The following NRG3 variants were observed in gnomAD, a reference collection of about 807,000 sequenced individuals.
NRG3 encodes the protein pro-neuregulin-3, membrane-bound isoform.
Under a neutral mutation model 66.9 loss-of-function variants are expected in NRG3, and 31 were observed. That is an observed-to-expected ratio of 0.46 (90% CI 0.35 to 0.63). NRG3 has a LOEUF of 0.63. Among genes scored for constraint, NRG3 ranks in the 20% least tolerant of loss-of-function variants. The pLI is 0.00. For missense variants in NRG3, 910 were observed against 878.9 expected (o/e 1.04, Z -0.45); for synonymous variants, 393 against 359.4 (o/e 1.09, Z -1.06).
At chr10:82,356,486 TAGAG>T (rs1353861293) in intron 1 of NRG3, among the ~76,000 whole-genome samples, 7 of 152,206 alleles carry the variant, frequency 4.6e-5, no homozygotes, top group African/African-American at 1.4e-4. Context: ...ATATTTCCCA[TAGAG>T]AGATTGATTC....
At chr10:82,561,849 G>A (rs948685794) in intron 2 of NRG3, among the ~76,000 whole-genome samples, 3 of 152,174 alleles carry the variant, frequency 2.0e-5, no homozygotes, top group Admixed American at 6.5e-5. Flanking sequence ...ATAGAGGTGA[G>A]GAGATGTCAG....
chr10:82,087,432 G>C (rs981717139), intron 1 of NRG3, among the ~76,000 whole-genome samples: 4 of 151,994 alleles, frequency 2.6e-5, no homozygotes, highest in South Asian at 4.1e-4. Flanking sequence ...GATGAACACA[G>C]TAAATACTAA....
chr10:82,032,502 T>C (rs997924379), intron 1 of NRG3, among the ~76,000 whole-genome samples: 1 of 152,020 alleles, frequency 6.6e-6, no homozygotes, highest in Non-Finnish European at 1.5e-5. Flanking sequence ...TCATTCTTCC[T>C]AAGAGTAGAA....
At chr10:82,029,838 AT>A (rs1210713430) in intron 1 of NRG3, among the ~76,000 whole-genome samples, 1 of 152,046 alleles carries the variant, frequency 6.6e-6, no homozygotes, top group Non-Finnish European at 1.5e-5. Context: ...AGTTTGGGAC[AT>A]TTTGGCATTT....
At chr10:82,709,794 T>TA (rs1414954456) in intron 2 of NRG3, among the ~76,000 whole-genome samples, 1 of 152,224 alleles carries the variant, frequency 6.6e-6, no homozygotes, top group Non-Finnish European at 1.5e-5. Context: ...AGGTCCTAAA[T>TA]AAAGTCCAAG....
intron 1 of NRG3, among the ~76,000 whole-genome samples, chr10:82,339,265 A>T (rs1485798492): frequency 6.6e-6 from 1 of 152,200 alleles, no homozygotes; most frequent in Non-Finnish European, 1.5e-5. Context: ...TAACTGTATT[A>T]GTCTGTTCTC....
rs538235642 is a variant in NRG3, at chr10:82,873,470, T to G, written c.1054+8033T>G. ...CTTCATAAGCCTAAATATTCATGAGTGATGTGAGAAACAACCAATCATTTA... is the reference window on the plus strand; with the variant it reads ...CTTCATAAGCCTAAATATTCATGAGGGATGTGAGAAACAACCAATCATTTA... On this transcript the variant is annotated intron_variant, in intron 4 of 8. Transcript: ENST00000372141. 2.6e-5 allele frequency among the ~76,000 whole-genome samples: 4 copies of G among 152,246 alleles called. No homozygotes were observed. The East Asian group carries it at 7.7e-4, about 29-fold the overall frequency.
intron 4 of NRG3, among the ~76,000 whole-genome samples, chr10:82,946,417 T>C (rs969455995): frequency 6.6e-6 from 1 of 151,898 alleles, no homozygotes; most frequent in African/African-American, 2.4e-5. Flanking sequence ...CACGCACCTG[T>C]AGTCCCAGCT....
intron 2 of NRG3, among the ~76,000 whole-genome samples, chr10:82,652,113 T>G (rs1454897864): frequency 1.3e-5 from 2 of 152,104 alleles, no homozygotes; most frequent in African/African-American, 2.4e-5. Flanking sequence ...GGAGGAAGCA[T>G]GCAGGTGAGT....
At position 81,937,177 on chromosome 10, in the gene NRG3, C is replaced by T. The variant is rs549863234; in HGVS notation, c.823+61014C>T. Among the ~76,000 whole-genome samples, 127 of 152,228 alleles carry T rather than the reference C, an allele frequency of 8.3e-4. 1 individual carries two copies. The highest frequency in any genetic ancestry group is 2.5e-3 in the African/African-American group (103 of 41,548). On this transcript the variant is annotated intron_variant, in intron 1 of 8. Transcript: ENST00000372141. ...AACGTGTTCTTTAACCATTCATCCACGGATGGACATTTAGGTTGCTTCCAC... is the reference window on the plus strand; with the variant it reads ...AACGTGTTCTTTAACCATTCATCCATGGATGGACATTTAGGTTGCTTCCAC...
At chr10:82,167,136 A>T (rs2072144259) in intron 1 of NRG3, among the ~76,000 whole-genome samples, 1 of 151,234 alleles carries the variant, frequency 6.6e-6, no homozygotes, top group Non-Finnish European at 1.5e-5. Context: ...AACTGATTGA[A>T]TTTTTTCTTC....
At chr10:82,433,150 G>A (rs897526700) in intron 2 of NRG3, among the ~76,000 whole-genome samples, 7 of 151,904 alleles carry the variant, frequency 4.6e-5, no homozygotes, top group African/African-American at 9.7e-5. Flanking sequence ...TTTAATAATC[G>A]CCATTTTTGA....
intron 4 of NRG3, among the ~76,000 whole-genome samples, chr10:82,879,204 G>C (rs1262392343): frequency 6.6e-6 from 1 of 152,066 alleles, no homozygotes; most frequent in Non-Finnish European, 1.5e-5. Flanking sequence ...GCTTGTTGTG[G>C]ATCTCCAGCC....
chr10:82,658,447 T>C (rs1199922800), intron 2 of NRG3, among the ~76,000 whole-genome samples: 3 of 152,178 alleles, frequency 2.0e-5, no homozygotes, highest in Non-Finnish European at 4.4e-5. Flanking sequence ...ATATACTTTT[T>C]AGTTAAAATT....
intron 2 of NRG3, among the ~76,000 whole-genome samples, chr10:82,405,463 T>TTTTTC (rs2087445450): frequency 6.7e-6 from 1 of 149,840 alleles, no homozygotes. Flanking sequence ...AGTTTGTTTT[T>TTTTTC]TTTTTTTTTG....
intron 2 of NRG3, among the ~76,000 whole-genome samples, chr10:82,380,204 T>A (rs2085520262): frequency 6.6e-6 from 1 of 152,140 alleles, no homozygotes; most frequent in Admixed American, 6.5e-5. Flanking sequence ...AATGACTATG[T>A]TGCATTCCAA....
intron 1 of NRG3, among the ~76,000 whole-genome samples, chr10:82,277,374 A>G (rs891085709): frequency 6.6e-6 from 1 of 152,112 alleles, no homozygotes; most frequent in Non-Finnish European, 1.5e-5. Context: ...TAGGACTTCT[A>G]AGTTGGAAAA....
chr10:82,621,092 G>A (rs921327582), intron 2 of NRG3, among the ~76,000 whole-genome samples: 1 of 152,126 alleles, frequency 6.6e-6, no homozygotes, highest in Non-Finnish European at 1.5e-5. Flanking sequence ...GTCTCCCAGT[G>A]TTGAGATGAC....
At chr10:82,345,382 G>C (rs915126810) in intron 1 of NRG3, among the ~76,000 whole-genome samples, 2 of 151,534 alleles carry the variant, frequency 1.3e-5, no homozygotes, top group African/African-American at 2.4e-5. Flanking sequence ...GTAGATATGT[G>C]ACATTATTTC....
Sources: allele counts gnomAD v4.1 joint callset (sites outside exome capture counted in the v4.1 genomes callset), GRCh38; gene constraint gnomAD v4.1.1; transcripts MANE v1.5; gene names NCBI Gene and HGNC (gene_info 2026-07-23, HGNC 2026-07-21).